The following ICE1 variants were observed in gnomAD, a reference collection of about 807,000 sequenced individuals.
The protein encoded by ICE1 is little elongation complex subunit 1.
Under a neutral mutation model 192.7 loss-of-function variants are expected in ICE1, and 64 were observed. The observed-to-expected ratio is 0.33, with a 90% CI of 0.27 to 0.41. ICE1 has a LOEUF of 0.41. Among genes scored for constraint, ICE1 ranks in the 10% least tolerant of loss-of-function variants. The pLI, the probability that ICE1 is intolerant of heterozygous loss-of-function variation, is 1.00. For synonymous variants in ICE1, 1,010 were observed against 984.5 expected (o/e 1.03, Z -0.49); for missense variants, 2,708 against 2,696.0 (o/e 1.00, Z -0.10).
intron 10 of ICE1, among the ~76,000 whole-genome samples, chr5:5,451,004 G>C (rs144735170): frequency 6.6e-6 from 1 of 152,268 alleles, no homozygotes; most frequent in East Asian, 1.9e-4. Flanking sequence ...CACACCTGGA[G>C]TTTGTTAAAA....
chr5:5,474,931 TATTAAAA>T (rs1047109980), intron 16 of ICE1, among the ~76,000 whole-genome samples: 3 of 152,234 alleles, frequency 2.0e-5, no homozygotes, highest in Non-Finnish European at 4.4e-5. Context: ...ATGATAGCTA[TATTAAAA>T]CACATAGCTA....
In ICE1 at chr5:5,461,882, A is replaced by G. The variant is rs1337632981; in HGVS notation, c.2548A>G (p.Thr850Ala). 2.5e-6 allele frequency: 4 copies of G among 1,613,782 alleles called. No individual in the cohort carries two copies. The highest frequency in any genetic ancestry group is 3.4e-6 in the Non-Finnish European group (4 of 1,179,892). Residue 850 changes from threonine to alanine, a missense_variant, in exon 13 of 19, where the codon ACT (threonine) becomes GCT (alanine). Physicochemically the swap from Thr to Ala is moderately conservative, Grantham distance 58. Coordinates refer to ENST00000296564, the MANE Select transcript of ICE1 (RefSeq NM_015325.3). ...TAACAATCCTGTAGAATTCAAGACCACTGCATCGGTGTTGCCTAATCAAGT... is the reference window on the plus strand; with the variant it reads ...TAACAATCCTGTAGAATTCAAGACCGCTGCATCGGTGTTGCCTAATCAAGT... ...ENNNPVEFKT[T>A]ASVLPNQVSV...
Position 5,461,243 on chromosome 5 carries a change from G to A in ICE1, c.1909G>A (p.Val637Ile), listed in dbSNP as rs1347345691. The change falls in exon 13 of 19, where the codon GTA becomes ATA. Residue 637 changes from valine to isoleucine, a missense_variant. This residue lies in a region of ICE1 where 2,366 missense variants were observed against 2,276.6 expected (regional missense o/e 1.04). Transcript: ENST00000296564. ...CAGTTTTTCTTCCTCTTCTACCTTG[G>A]TAGCATTGTCTGTTGGCAGTAATCC... ...ETSFSSSSTL[V>I]ALSVGSNPQS... is the part of the protein sequence containing the mutation. The A allele has an allele frequency of 1.2e-6, 2 of 1,613,866 alleles. No individual in the cohort carries two copies. Among genetic ancestry groups the A allele is most frequent in the East Asian group, 2.2e-5 (1 of 44,894 alleles).
At chr5:5,483,078 C>T (rs1317764593) in intron 17 of ICE1, among the ~76,000 whole-genome samples, 2 of 152,108 alleles carry the variant, frequency 1.3e-5, no homozygotes, top group African/African-American at 2.4e-5. Context: ...GCAACCTCCA[C>T]CTCCCAGGTT....
At position 5,447,701 on chromosome 5, in the gene ICE1, T is replaced by G; in HGVS notation, c.508-20T>G. On this transcript the variant is annotated intron_variant, in intron 8 of 18. Coordinates refer to ENST00000296564, the MANE Select transcript of ICE1 (RefSeq NM_015325.3). ...CACTTCTTATTCAGCATAAACACTA[T>G]TAATATTTTGTTTTCACAGGAAAGG... 1 of 1,559,688 alleles carries G rather than the reference T, an allele frequency of 6.4e-7. No homozygotes were observed. The highest frequency in any genetic ancestry group is 8.7e-7 in the Non-Finnish European group (1 of 1,146,658).
chr5:5,457,266 C>CTTTCT, intron 11 of ICE1, 66 bp from the exon 12 acceptor site: 1 of 1,084,362 alleles, frequency 9.2e-7, no homozygotes, highest in Non-Finnish European at 1.2e-6. Flanking sequence ...TTCTTTCTTT[C>CTTTCT]TTTTTTTTTT....
intron 10 of ICE1, among the ~76,000 whole-genome samples, chr5:5,452,450 A>C (rs571478554): frequency 5.9e-5 from 9 of 152,216 alleles, no homozygotes; most frequent in African/African-American, 2.2e-4. Context: ...GAACCAGCAG[A>C]TGTCTAAGAA....
At chr5:5,441,708 G>A (rs1738058922) in intron 5 of ICE1, among the ~76,000 whole-genome samples, 1 of 152,058 alleles carries the variant, frequency 6.6e-6, no homozygotes, top group Non-Finnish European at 1.5e-5. Context: ...GAGTTAAGAT[G>A]TCCTTTAAAG....
At chr5:5,476,252 G>A (rs2111399711) in intron 17 of ICE1, among the ~76,000 whole-genome samples, 173 bp downstream of exon 17, 1 of 152,058 alleles carries the variant, frequency 6.6e-6, no homozygotes, top group Non-Finnish European at 1.5e-5. Context: ...TTGTAAATTA[G>A]TGTTTTATTC....
In ICE1 at chr5:5,422,902, C is replaced by G; in HGVS notation, c.-14C>G. 3 of 1,381,610 alleles carry G rather than the reference C, an allele frequency of 2.2e-6. No homozygotes were observed. Among genetic ancestry groups the G allele is most frequent in the Non-Finnish European group, 2.8e-6 (3 of 1,067,298 alleles). The allele number at this position is 1,381,610 out of a possible 1,614,324, so 85.6% of individuals were successfully genotyped here. A position where few individuals can be genotyped will look rare whatever the true frequency, so the allele number is the denominator to read the frequency against. On this transcript the variant is annotated 5_prime_UTR_variant, in exon 1 of 19. Coordinates refer to ENST00000296564, the MANE Select transcript of ICE1 (RefSeq NM_015325.3). ...CCTGAGGCGTGCGTGCCCACCGGGCCCGGCGGCGGCACCATGATGCCGGGC... is the reference window on the plus strand; with the variant it reads ...CCTGAGGCGTGCGTGCCCACCGGGCGCGGCGGCGGCACCATGATGCCGGGC...
intron 12 of ICE1, among the ~76,000 whole-genome samples, chr5:5,459,109 G>C (rs1307766744): frequency 6.6e-6 from 1 of 152,112 alleles, no homozygotes; most frequent in South Asian, 2.1e-4. Context: ...TCCTGACCTC[G>C]TGATCTGCCT....
chr5:5,488,713 C>G (rs1475125279), intron 18 of ICE1, among the ~76,000 whole-genome samples: 1 of 152,120 alleles, frequency 6.6e-6, no homozygotes, highest in African/African-American at 2.4e-5. Context: ...ATTATGTTTT[C>G]TCATTTCCAA....
At chr5:5,456,816 T>C (rs1738597148) in intron 11 of ICE1, among the ~76,000 whole-genome samples, 1 of 152,212 alleles carries the variant, frequency 6.6e-6, no homozygotes, top group South Asian at 2.1e-4. Context: ...ATAGGAACTT[T>C]TCTGTTGCAT....
At chr5:5,444,471 A>G in intron 7 of ICE1, 145 bp downstream of exon 7, 1 of 578,422 alleles carries the variant, frequency 1.7e-6, no homozygotes, top group South Asian at 2.6e-5. Context: ...GGGGTCTATT[A>G]GAAAGAAGTG....
chr5:5,459,813 C>T (rs889051824), intron 12 of ICE1, among the ~76,000 whole-genome samples: 5 of 152,006 alleles, frequency 3.3e-5, no homozygotes, highest in South Asian at 2.1e-4. Context: ...CAAGAGGAGA[C>T]GAGTTGGGGG....
intron 1 of ICE1, among the ~76,000 whole-genome samples, chr5:5,431,199 G>GCT (rs1410096580): frequency 2.6e-5 from 4 of 152,146 alleles, no homozygotes; most frequent in Admixed American, 2.6e-4. Context: ...GGAAAGATGA[G>GCT]CTAGGGTACC....
In ICE1 at chr5:5,464,625, G is replaced by A. The variant is rs1260261209; in HGVS notation, c.5291G>A (p.Arg1764Gln). 11 of 1,612,526 alleles carry A rather than the reference G, an allele frequency of 6.8e-6. No individual in the cohort carries two copies. The highest frequency in any genetic ancestry group is 1.1e-5 in the South Asian group (1 of 90,858). ...TMYPELSARARTLNILKGNIQ... is the reference protein window; with the variant it reads ...TMYPELSARAQTLNILKGNIQ... ...TATCCAGAGTTATCTGCCAGGGCCC[G>A]GACCCTCAACATCCTCAAAGGGAAT... Residue 1764 changes from arginine (R) to glutamine (Q), a missense_variant, in exon 13 of 19, where the codon CGG becomes CAG. Arg to Gln is a conservative substitution (Grantham distance 43, BLOSUM62 1). Around this residue, in one of 2 missense-constraint regions of ICE1, gnomAD observed 2,366 missense variants for 2,276.6 expected, o/e 1.04. Transcript: ENST00000296564. This position sits in a 1 kb window ranked among gnomAD's most constrained non-coding sequence, Gnocchi z 4.0.
chr5:5,448,765 A>T (rs1310713251), intron 10 of ICE1, among the ~76,000 whole-genome samples: 1 of 151,788 alleles, frequency 6.6e-6, no homozygotes, highest in African/African-American at 2.4e-5. Flanking sequence ...TTTTTTTTTA[A>T]AATTCAGAGT....
intron 14 of ICE1, 108 bp downstream of exon 14, chr5:5,466,610 T>C (rs1397300361): frequency 2.7e-5 from 26 of 962,874 alleles, no homozygotes; most frequent in Non-Finnish European, 3.8e-5. Flanking sequence ...TTTAAAATAA[T>C]GTTATGTTTT....
Sources: gnomAD v4.1 joint callset for allele counts (sites outside exome capture counted in the v4.1 genomes callset) on GRCh38, gnomAD v4.1.1 for gene constraint, gnomAD v4.1.1 regional missense constraint, Gnocchi (gnomAD v3.1) non-coding constraint, MANE v1.5 for transcripts, NCBI Gene and HGNC (gene_info 2026-07-23, HGNC 2026-07-21) for gene names.